SGK1: variants seen among roughly 807,000 people sequenced by gnomAD.
SGK1 encodes the protein serum/glucocorticoid regulated kinase 1, also known as serine/threonine-protein kinase Sgk1.
SGK1 carries 26 observed loss-of-function variants against 64.2 expected under a neutral mutation model. That is an observed-to-expected ratio of 0.40 (90% CI 0.30 to 0.56). SGK1 has a LOEUF of 0.56. Ranked by LOEUF, SGK1 falls within the 20% of genes least tolerant of loss-of-function variation. The pLI, the probability that SGK1 is intolerant of heterozygous loss-of-function variation, is 0.38. For missense variants in SGK1, 519 were observed against 645.6 expected (o/e 0.80, Z 2.12); for synonymous variants, 265 against 239.7 (o/e 1.11, Z -0.98).
At chr6:134,289,548 T>A (rs1777232686) in intron 1 of SGK1, among the ~76,000 whole-genome samples, 2 of 152,200 alleles carry the variant, frequency 1.3e-5, no homozygotes, top group South Asian at 4.1e-4. Flanking sequence ...ACCCCCAACA[T>A]TATCATTCTA....
At chr6:134,298,297 C>T in intron 1 of SGK1, 1 of 1,559,574 alleles carries the variant, frequency 6.4e-7, no homozygotes, top group Non-Finnish European at 8.8e-7. Context: ...GTCCATGTTG[C>T]TCCAAGCTGT....
intron 1 of SGK1, among the ~76,000 whole-genome samples, chr6:134,292,247 A>G (rs757950042): frequency 2.6e-5 from 4 of 152,224 alleles, no homozygotes; most frequent in Non-Finnish European, 4.4e-5. Context: ...AAGTTCCTTT[A>G]GTGAAACCTC....
At chr6:134,226,340 C>T (rs571082889) in intron 2 of SGK1, among the ~76,000 whole-genome samples, 3 of 148,638 alleles carry the variant, frequency 2.0e-5, no homozygotes, top group East Asian at 2.0e-4. Context: ...TCCTGCCCCC[C>T]CTCATCCAAA....
intron 2 of SGK1, among the ~76,000 whole-genome samples, chr6:134,245,517 CTT>C (rs1270169266): frequency 2.0e-5 from 3 of 152,166 alleles, no homozygotes; most frequent in Non-Finnish European, 2.9e-5. Context: ...GAAGGGCAAA[CTT>C]GAAGATTTTT....
chr6:134,314,672 C>A (rs949953057), intron 1 of SGK1, among the ~76,000 whole-genome samples: 4 of 152,140 alleles, frequency 2.6e-5, no homozygotes, highest in Non-Finnish European at 5.9e-5. Context: ...GGGCAGATAA[C>A]CTATATTCTC....
intron 2 of SGK1, among the ~76,000 whole-genome samples, chr6:134,246,948 G>A (rs768281649): frequency 6.6e-6 from 1 of 152,084 alleles, no homozygotes; most frequent in Non-Finnish European, 1.5e-5. Context: ...GTCAAAGCTG[G>A]ACTTTGAACT....
At chr6:134,209,120 T>C (rs1309424405) in intron 2 of SGK1, among the ~76,000 whole-genome samples, 1 of 152,166 alleles carries the variant, frequency 6.6e-6, no homozygotes, top group Non-Finnish European at 1.5e-5. Context: ...AGCTTTATAC[T>C]ACTGTGATAT....
intron 1 of SGK1, among the ~76,000 whole-genome samples, chr6:134,292,505 A>G (rs888430146): frequency 4.6e-5 from 7 of 152,170 alleles, no homozygotes; most frequent in African/African-American, 1.7e-4. Flanking sequence ...ACGCAGGAGA[A>G]TAGCTTGAAC....
At chr6:134,267,865 G>A (rs937137905) in intron 1 of SGK1, among the ~76,000 whole-genome samples, 1 of 152,166 alleles carries the variant, frequency 6.6e-6, no homozygotes, top group African/African-American at 2.4e-5. Context: ...CCGGACTGTT[G>A]CTGAATTTTA....
chr6:134,187,156 A>G (rs1170304985), intron 3 of SGK1, among the ~76,000 whole-genome samples: 1 of 151,972 alleles, frequency 6.6e-6, no homozygotes, highest in Non-Finnish European at 1.5e-5. Flanking sequence ...TAGTAGTCCA[A>G]TTTCTCCCTA....
chr6:134,305,688 C>G (rs545173730), intron 1 of SGK1, among the ~76,000 whole-genome samples: 1 of 151,976 alleles, frequency 6.6e-6, no homozygotes, highest in Admixed American at 6.6e-5. Flanking sequence ...GTTCTGTTGC[C>G]CAGGCTAGAG....
chr6:134,225,223 T>C (rs1776155246), intron 2 of SGK1, among the ~76,000 whole-genome samples: 3 of 150,486 alleles, frequency 2.0e-5, no homozygotes, highest in African/African-American at 4.9e-5. Context: ...TGGTGGTGCA[T>C]GCCTGTGATC....
intron 1 of SGK1, among the ~76,000 whole-genome samples, chr6:134,308,304 A>G (rs1165142940): frequency 1.3e-5 from 2 of 152,220 alleles, no homozygotes; most frequent in Admixed American, 1.3e-4. Context: ...TTCTCAAACT[A>G]TTAACTTTCA....
chr6:134,305,256 G>A (rs1777516819), intron 1 of SGK1, among the ~76,000 whole-genome samples: 1 of 151,388 alleles, frequency 6.6e-6, no homozygotes, highest in African/African-American at 2.4e-5. Context: ...CTACTCTGGA[G>A]GCTGAGGCAC....
At chr6:134,207,460 T>C (rs1379105121) in intron 2 of SGK1, 29 bp from the exon 3 acceptor site, 20 of 1,489,410 alleles carry the variant, frequency 1.3e-5, no homozygotes, top group Non-Finnish European at 1.9e-5. Flanking sequence ...AAAGAAGTGA[T>C]ATAAAAATGG....
chr6:134,307,826 C>T lies in SGK1; in HGVS notation c.69+9566G>A, dbSNP rs574446077. Among the ~76,000 whole-genome samples the T allele has an allele frequency of 9.8e-5, 15 of 152,296 alleles. No individual in the cohort carries two copies. The East Asian group carries it at 2.3e-3, about 24-fold the overall frequency. The stretch of plus-strand genomic sequence containing the variant: ...AAATTCTTCTCTTCATCAATACTCT[C>T]TCTATTCCACCAAGTAATGATATCA... On this transcript the variant is annotated intron_variant, in intron 1 of 13. Coordinates refer to ENST00000367858, the MANE Select transcript of SGK1 (RefSeq NM_001143676.3).
intron 1 of SGK1, among the ~76,000 whole-genome samples, chr6:134,279,431 A>AAAATAAGTAAAT (rs1554226861): frequency 6.8e-6 from 1 of 148,036 alleles, no homozygotes; most frequent in African/African-American, 2.5e-5. Context: ...ATCCTGTCTC[A>AAAATAAGTAAAT]AAATAAATAA....
chr6:134,190,889 A>G (rs373343959), intron 3 of SGK1, among the ~76,000 whole-genome samples: 1 of 152,234 alleles, frequency 6.6e-6, no homozygotes, highest in Non-Finnish European at 1.5e-5. Flanking sequence ...GTAAGTGTCT[A>G]AAACAGGTTG....
chr6:134,192,196 C>T (rs1562246072), intron 3 of SGK1, among the ~76,000 whole-genome samples: 1 of 151,634 alleles, frequency 6.6e-6, no homozygotes, highest in Non-Finnish European at 1.5e-5. Context: ...AACTCCTGAC[C>T]TCAAGTGATC....
Sources: gnomAD v4.1 joint callset for allele counts (sites outside exome capture counted in the v4.1 genomes callset) on GRCh38, gnomAD v4.1.1 for gene constraint, MANE v1.5 for transcripts, NCBI Gene and HGNC (gene_info 2026-07-23, HGNC 2026-07-21) for gene names.